C1orf94: variants seen among roughly 807,000 people sequenced by gnomAD.
C1orf94 encodes chromosome 1 open reading frame 94.
A neutral mutation model predicts 53.6 loss-of-function variants in C1orf94; 45 were observed. The ratio of observed to expected loss-of-function variants is 0.84; its 90% CI spans 0.66 to 1.08. The LOEUF (loss-of-function observed/expected upper bound fraction) is 1.08, where lower values mean the gene tolerates loss of function less well. Ranked by LOEUF, C1orf94 falls within the 50% of genes least tolerant of loss-of-function variation. The probability of loss-of-function intolerance (pLI) is 0.00; values close to 1 mark genes in which losing one functional copy is unlikely to be tolerated. For synonymous variants in C1orf94, 304 were observed against 296.1 expected (o/e 1.03, Z -0.27); for missense variants, 762 against 738.9 (o/e 1.03, Z -0.36).
chr1:34,189,294 AGT>A (rs1194303548), intron 1 of C1orf94, among the ~76,000 whole-genome samples: 1 of 151,500 alleles, frequency 6.6e-6, no homozygotes, highest in Admixed American at 6.6e-5. Flanking sequence ...ATGTGTGCAT[AGT>A]GTGTGTGCAT....
intron 1 of C1orf94, among the ~76,000 whole-genome samples, chr1:34,169,873 T>C (rs951480566): frequency 1.3e-5 from 2 of 152,196 alleles, no homozygotes; most frequent in African/African-American, 2.4e-5. Context: ...ACAGAGGGGC[T>C]TCATGAGGAA....
chr1:34,185,570 A>G (rs2148613390), intron 1 of C1orf94, among the ~76,000 whole-genome samples: 1 of 152,280 alleles, frequency 6.6e-6, no homozygotes, highest in Non-Finnish European at 1.5e-5. Context: ...CAAGTGAGCT[A>G]GTGCTGGCAG....
chr1:34,172,757 G>T (rs1210487528), upstream of C1orf94, among the ~76,000 whole-genome samples: 1 of 152,230 alleles, frequency 6.6e-6, no homozygotes, highest in Non-Finnish European at 1.5e-5. Context: ...CCTAGAAATG[G>T]CTGGCTGCTC....
At chr1:34,178,210 C>A (rs1642259791) in intron 1 of C1orf94, 101 bp downstream of exon 1, 3 of 1,266,940 alleles carry the variant, frequency 2.4e-6, no homozygotes, top group Non-Finnish European at 3.2e-6. Context: ...CTGGTGAAAC[C>A]CTAAAGGCTG....
intron 4 of C1orf94, among the ~76,000 whole-genome samples, chr1:34,203,422 CG>C (rs1642745987): frequency 6.6e-6 from 1 of 152,058 alleles, no homozygotes; most frequent in South Asian, 2.1e-4. Flanking sequence ...CCACCGCACC[CG>C]GCCCTCAAAT....
At chr1:34,201,174 G>A (rs186134832) in intron 3 of C1orf94, 142 bp downstream of exon 3, 3 of 1,232,022 alleles carry the variant, frequency 2.4e-6, no homozygotes, top group South Asian at 1.6e-5. Flanking sequence ...TAAAATGGGG[G>A]CAATGACTTT....
upstream of C1orf94, among the ~76,000 whole-genome samples, chr1:34,175,232 C>G (rs571591358): frequency 4.6e-5 from 7 of 150,928 alleles, no homozygotes; most frequent in African/African-American, 1.7e-4. Flanking sequence ...TGATTTAGCC[C>G]CCGTTGCCTG....
At chr1:34,202,020 G>A in intron 3 of C1orf94, 64 bp from the exon 4 acceptor site, 1 of 1,548,924 alleles carries the variant, frequency 6.5e-7, no homozygotes, top group South Asian at 1.2e-5. Flanking sequence ...TTGCGATGCT[G>A]AAGGTGTCCT....
chr1:34,178,095 C>T lies in C1orf94; in HGVS notation c.306C>T (p.Leu102=). The T allele has an allele frequency of 1.3e-6, 2 of 1,551,442 alleles. No homozygotes were observed. Among genetic ancestry groups the T allele is most frequent in the Non-Finnish European group, 1.7e-6 (2 of 1,146,812 alleles). Residue 102 remains leucine, a synonymous_variant, in exon 1 of 7, where the codon CTC becomes CTT. Transcript: ENST00000488417. ...PVVGTLRGNE[L]SFQEEALELS... ...TTGGAACTCTAAGAGGCAATGAGCT[C>T]AGCTTTCAAGAAGAGTAAGTACCCC...
At chr1:34,189,323 G>A (rs961506409) in intron 1 of C1orf94, among the ~76,000 whole-genome samples, 1 of 151,588 alleles carries the variant, frequency 6.6e-6, no homozygotes, top group Non-Finnish European at 1.5e-5. Context: ...GGTGTATGGT[G>A]CATGGGTGTA....
At chr1:34,204,333 G>T (rs1642760586) in intron 4 of C1orf94, among the ~76,000 whole-genome samples, 1 of 152,110 alleles carries the variant, frequency 6.6e-6, no homozygotes, top group Admixed American at 6.5e-5. Context: ...CTTTTTGTTT[G>T]TGTGTGTGTT....
chr1:34,200,660 A>G, intron 2 of C1orf94, 112 bp from the exon 3 acceptor site: 1 of 1,458,990 alleles, frequency 6.9e-7, no homozygotes. Context: ...AAAGTGGTCC[A>G]AGCCTCAGGT....
chr1:34,214,493 A>G (rs1235379877), intron 6 of C1orf94, among the ~76,000 whole-genome samples: 1 of 152,146 alleles, frequency 6.6e-6, no homozygotes, highest in Non-Finnish European at 1.5e-5. Flanking sequence ...GGGACAGATT[A>G]TCATCCCCTG....
intron 1 of C1orf94, among the ~76,000 whole-genome samples, chr1:34,190,527 G>A (rs1771374): frequency 0.14 from 20,654 of 152,090 alleles, 1,968 homozygotes; most frequent in African/African-American, 0.27. Flanking sequence ...CCTTGCATTC[G>A]TTACCTGGCT....
intron 1 of C1orf94, among the ~76,000 whole-genome samples, chr1:34,196,024 A>T (rs1324592569): frequency 6.6e-6 from 1 of 152,168 alleles, no homozygotes; most frequent in East Asian, 1.9e-4. Flanking sequence ...CTTCTCCTTC[A>T]GCGCTCCCAT....
At chr1:34,204,063 G>T (rs74063795) in intron 4 of C1orf94, among the ~76,000 whole-genome samples, 2,736 of 152,278 alleles carry the variant, frequency 0.018, 74 homozygotes, top group African/African-American at 0.06. Context: ...GCCCCAGCCT[G>T]GCCCAGCACA....
intron 3 of C1orf94, among the ~76,000 whole-genome samples, chr1:34,201,717 G>T (rs1291250658): frequency 1.3e-5 from 2 of 152,198 alleles, no homozygotes; most frequent in African/African-American, 4.8e-5. Context: ...CATAGCAATG[G>T]TTCACATAAA....
In C1orf94 at chr1:34,197,571, G is replaced by T; in HGVS notation, c.667G>T (p.Glu223Ter). The T allele has an allele frequency of 6.2e-7, 1 of 1,614,210 alleles. No individual in the cohort carries two copies. Among genetic ancestry groups the T allele is most frequent in the Non-Finnish European group, 8.5e-7 (1 of 1,180,026 alleles). The change falls in exon 2 of 7, where the codon GAG becomes TAG. Residue 223 changes from glutamate (E) to a stop codon, truncating the protein, a stop_gained. Coordinates refer to ENST00000488417, the MANE Select transcript of C1orf94 (RefSeq NM_001134734.2). LOFTEE classifies it high-confidence loss of function. This position sits in a 1 kb window ranked among gnomAD's most constrained non-coding sequence, Gnocchi z 4.1. ...AAEVKSSKGT[E>*]DRGRILGDSN... ...CGAGGTCAAGAGCAGCAAGGGGACA[G>T]AGGACAGGGGCCGCATCCTAGGTGA...
intron 4 of C1orf94, among the ~76,000 whole-genome samples, chr1:34,204,001 T>G (rs1039355695): frequency 6.6e-6 from 1 of 152,184 alleles, no homozygotes; most frequent in African/African-American, 2.4e-5. Context: ...TGTCATTGTA[T>G]GGGGAAGGGC....
Sources: gnomAD v4.1 joint callset for allele counts (sites outside exome capture counted in the v4.1 genomes callset) on GRCh38, gnomAD v4.1.1 for gene constraint, Gnocchi (gnomAD v3.1) non-coding constraint, MANE v1.5 for transcripts, NCBI Gene and HGNC (gene_info 2026-07-23, HGNC 2026-07-21) for gene names.